SEL1L2: variants seen among roughly 807,000 people sequenced by gnomAD.
The protein encoded by SEL1L2 is protein sel-1 homolog 2.
In SEL1L2, 89 loss-of-function variants were observed where a neutral mutation model predicts 98.8. That is an observed-to-expected ratio of 0.90 (90% CI 0.76 to 1.07). The LOEUF (loss-of-function observed/expected upper bound fraction) is 1.07, where lower values mean the gene tolerates loss of function less well. Ranked by LOEUF, SEL1L2 falls within the 50% of genes least tolerant of loss-of-function variation. The probability of loss-of-function intolerance (pLI) is 0.00; values close to 1 mark genes in which losing one functional copy is unlikely to be tolerated. For missense variants in SEL1L2, 788 were observed against 812.0 expected (o/e 0.97, Z 0.36); for synonymous variants, 262 against 278.5 (o/e 0.94, Z 0.59).
chr20:13,915,382 T>C, intron 4 of SEL1L2: 1 of 500,586 alleles, frequency 2.0e-6, no homozygotes, highest in Non-Finnish European at 3.2e-6. Flanking sequence ...AGGCAGATGG[T>C]CTCAAGGTCA....
At chr20:13,965,353 A>G (rs1395810384) in intron 1 of SEL1L2, among the ~76,000 whole-genome samples, 1 of 152,170 alleles carries the variant, frequency 6.6e-6, no homozygotes, top group African/African-American at 2.4e-5. Flanking sequence ...GGAATAAATG[A>G]CTAGAAGTGT....
intron 12 of SEL1L2, among the ~76,000 whole-genome samples, chr20:13,874,362 C>T (rs1215774958): frequency 6.6e-6 from 1 of 152,036 alleles, no homozygotes; most frequent in African/African-American, 2.4e-5. Context: ...AGTATGTGGC[C>T]ATCTCCACCT....
chr20:13,949,122 G>A (rs1196231139), intron 2 of SEL1L2, among the ~76,000 whole-genome samples: 1 of 151,938 alleles, frequency 6.6e-6, no homozygotes, highest in African/African-American at 2.4e-5. Context: ...CCACAGACTG[G>A]GAGAAAATAT....
At chr20:13,983,082 A>AAAC (rs2051943748) in intron 1 of SEL1L2, among the ~76,000 whole-genome samples, 1 of 138,716 alleles carries the variant, frequency 7.2e-6, no homozygotes, top group Non-Finnish European at 1.5e-5. Context: ...AAGAGAGAAA[A>AAAC]AAACACATGA....
intron 15 of SEL1L2, among the ~76,000 whole-genome samples, chr20:13,865,831 C>CTGTGTGTG (rs11467978): frequency 0.071 from 10,592 of 149,994 alleles, 382 homozygotes; most frequent in Non-Finnish European, 0.082. Flanking sequence ...GTGTGTGTGT[C>CTGTGTGTG]TGTGTGTGTG....
intron 2 of SEL1L2, among the ~76,000 whole-genome samples, chr20:13,946,954 G>A (rs1388501440): frequency 6.6e-6 from 1 of 152,208 alleles, no homozygotes; most frequent in Non-Finnish European, 1.5e-5. Context: ...GGCCGAGGGG[G>A]TACTGAGGAT....
intron 1 of SEL1L2, among the ~76,000 whole-genome samples, chr20:13,969,906 C>T (rs185918545): frequency 1.1e-3 from 169 of 152,290 alleles, no homozygotes; most frequent in African/African-American, 3.8e-3. Flanking sequence ...AATGACCCAT[C>T]ATCCGTTCTT....
At chr20:13,923,838 C>A (rs1271520140) in intron 3 of SEL1L2, among the ~76,000 whole-genome samples, 1 of 152,062 alleles carries the variant, frequency 6.6e-6, no homozygotes, top group African/African-American at 2.4e-5. Context: ...TTAAATTGAG[C>A]TTTATACATT....
chr20:13,971,904 C>G (rs957924952), intron 1 of SEL1L2, among the ~76,000 whole-genome samples: 3 of 152,154 alleles, frequency 2.0e-5, no homozygotes, highest in African/African-American at 7.2e-5. Context: ...TATTCATACA[C>G]TGGTCCATTT....
At chr20:13,992,062 G>T (rs1022996219), upstream of SEL1L2, among the ~76,000 whole-genome samples, 29 of 152,134 alleles carry the variant, frequency 1.9e-4, no homozygotes, top group Non-Finnish European at 4.4e-5. Context: ...GAGCAATGAA[G>T]GCATATAAGG....
intron 4 of SEL1L2, among the ~76,000 whole-genome samples, 157 bp downstream of exon 4, chr20:13,918,864 C>T (rs1258341105): frequency 2.0e-5 from 3 of 152,156 alleles, no homozygotes; most frequent in Non-Finnish European, 4.4e-5. Flanking sequence ...TTGTGGGATT[C>T]TTTAAACACA....
In SEL1L2 at chr20:13,919,045, G is replaced by A. The variant is rs1396579674; in HGVS notation, c.362C>T (p.Ser121Phe). ...FKMGIKVLQQ[S>F]KSQKQKEEAY... The stretch of plus-strand genomic sequence containing the variant: ...CTCTTCTTTTTGTTTTTGGCTTTTA[G>A]ACTGCTGGAGAACCTTGATGCCCAT... The change falls in exon 4 of 20, where the codon TCT (serine) becomes TTT (phenylalanine). Residue 121 changes from serine (S) to phenylalanine (F), a missense_variant. Physicochemically the swap from Ser to Phe is radical, Grantham distance 155. Transcript: ENST00000284951. 1 of 1,612,602 alleles carries A rather than the reference G, an allele frequency of 6.2e-7. No homozygotes were observed. Among genetic ancestry groups the A allele is most frequent in the Non-Finnish European group, 8.5e-7 (1 of 1,179,314 alleles).
At chr20:13,964,592 A>G (rs974262406) in intron 1 of SEL1L2, among the ~76,000 whole-genome samples, 9 of 151,786 alleles carry the variant, frequency 5.9e-5, no homozygotes, top group Non-Finnish European at 8.8e-5. Flanking sequence ...AGCTGGGATT[A>G]CAGGCATGCA....
At chr20:13,889,399 G>A (rs527713832) in intron 5 of SEL1L2, among the ~76,000 whole-genome samples, 16 of 152,278 alleles carry the variant, frequency 1.1e-4, no homozygotes, top group Non-Finnish European at 2.1e-4. Flanking sequence ...CATGAATATA[G>A]GCTAATTCTT....
At chr20:13,979,093 A>G (rs1300596934) in intron 1 of SEL1L2, among the ~76,000 whole-genome samples, 1 of 152,084 alleles carries the variant, frequency 6.6e-6, no homozygotes, top group East Asian at 1.9e-4. Context: ...AAAGAATGTA[A>G]TCGTCATTTT....
intron 2 of SEL1L2, among the ~76,000 whole-genome samples, chr20:13,953,006 G>T (rs1207302625): frequency 6.6e-6 from 1 of 152,118 alleles, no homozygotes; most frequent in African/African-American, 2.4e-5. Flanking sequence ...TCTCTTCACT[G>T]ATAGGTAATT....
chr20:13,881,762 G>A (rs1327826524), intron 10 of SEL1L2, among the ~76,000 whole-genome samples: 2 of 152,158 alleles, frequency 1.3e-5, no homozygotes, highest in East Asian at 3.8e-4. Flanking sequence ...AATTTTCTGA[G>A]CAGTGGACTG....
chr20:13,866,407 C>A (rs1271216666), intron 15 of SEL1L2, among the ~76,000 whole-genome samples: 1 of 152,170 alleles, frequency 6.6e-6, no homozygotes, highest in African/African-American at 2.4e-5. Context: ...CCAAATTGCC[C>A]TGGTGATTTG....
At chr20:13,961,051 T>C (rs2050753096) in intron 1 of SEL1L2, among the ~76,000 whole-genome samples, 1 of 152,196 alleles carries the variant, frequency 6.6e-6, no homozygotes, top group South Asian at 2.1e-4. Flanking sequence ...TTAGATACTT[T>C]ATCTTCAATC....
Sources: allele counts gnomAD v4.1 joint callset (sites outside exome capture counted in the v4.1 genomes callset), GRCh38; gene constraint gnomAD v4.1.1; transcripts MANE v1.5; gene names NCBI Gene and HGNC (gene_info 2026-07-23, HGNC 2026-07-21).